Variants in GRM7 observed in about 807,000 individuals in gnomAD.
The protein encoded by GRM7 is metabotropic glutamate receptor 7.
GRM7 carries 35 observed loss-of-function variants against 84.5 expected under a neutral mutation model. The observed-to-expected ratio is 0.41, with a 90% CI of 0.32 to 0.55. GRM7 has a LOEUF of 0.55. GRM7 is among the 20% of genes least tolerant of loss of function. The pLI is 0.19. For synonymous variants in GRM7, 487 were observed against 455.1 expected (o/e 1.07, Z -0.89); for missense variants, 1,003 against 1,194.6 (o/e 0.84, Z 2.36).
At chr3:6,900,940 A>C (rs144468882) in intron 1 of GRM7, among the ~76,000 whole-genome samples, 257 of 152,322 alleles carry the variant, frequency 1.7e-3, no homozygotes, top group African/African-American at 6.1e-3. Context: ...CCTGGCACAG[A>C]TCATTTTGTT....
At chr3:7,298,904 AG>A in intron 3 of GRM7, 79 bp downstream of exon 3, 3 of 1,250,028 alleles carry the variant, frequency 2.4e-6, no homozygotes, top group East Asian at 4.7e-5. Flanking sequence ...TGGCTGAGAC[AG>A]GAAAAGATAG....
chr3:6,908,840 G>T (rs1203583196), intron 1 of GRM7, among the ~76,000 whole-genome samples: 1 of 152,130 alleles, frequency 6.6e-6, no homozygotes, highest in African/African-American at 2.4e-5. Context: ...AGAGATTAAA[G>T]ATATGTCTTG....
chr3:7,230,839 T>G (rs1177230752), intron 2 of GRM7, among the ~76,000 whole-genome samples: 1 of 152,168 alleles, frequency 6.6e-6, no homozygotes, highest in African/African-American at 2.4e-5. Context: ...TACGAGTAAT[T>G]CTGGGAAGCA....
intron 1 of GRM7, among the ~76,000 whole-genome samples, chr3:6,899,955 C>A (rs767400215): frequency 6.6e-6 from 1 of 152,048 alleles, no homozygotes; most frequent in Non-Finnish European, 1.5e-5. Flanking sequence ...AAGTCAAATA[C>A]GTCTTTGTCA....
intron 2 of GRM7, among the ~76,000 whole-genome samples, chr3:7,247,275 A>G (rs1046678082): frequency 6.6e-6 from 1 of 152,106 alleles, no homozygotes; most frequent in African/African-American, 2.4e-5. Context: ...CACAGTACAA[A>G]ACAAAAAATT....
chr3:7,278,193 T>C (rs1699138961), intron 2 of GRM7, among the ~76,000 whole-genome samples: 1 of 152,118 alleles, frequency 6.6e-6, no homozygotes, highest in Non-Finnish European at 1.5e-5. Flanking sequence ...ACATGTTTAA[T>C]AGAAGATGCC....
At chr3:7,519,323 C>G (rs1468764686) in intron 7 of GRM7, among the ~76,000 whole-genome samples, 1 of 151,414 alleles carries the variant, frequency 6.6e-6, no homozygotes, top group Non-Finnish European at 1.5e-5. Context: ...GATAGCACCA[C>G]TGCACTCCAG....
intron 7 of GRM7, among the ~76,000 whole-genome samples, chr3:7,499,965 G>A (rs1254502810): frequency 1.3e-5 from 2 of 151,970 alleles, no homozygotes; most frequent in Admixed American, 1.3e-4. Flanking sequence ...TAGTGGAGAC[G>A]GGGTTTCACC....
At chr3:7,281,943 C>G (rs1356847263) in intron 2 of GRM7, among the ~76,000 whole-genome samples, 2 of 152,062 alleles carry the variant, frequency 1.3e-5, no homozygotes, top group East Asian at 1.9e-4. Context: ...ATTAGCCGGG[C>G]GTGGCAGCGT....
intron 2 of GRM7, among the ~76,000 whole-genome samples, chr3:7,245,661 A>G (rs1697730235): frequency 6.6e-6 from 1 of 152,116 alleles, no homozygotes; most frequent in African/African-American, 2.4e-5. Flanking sequence ...ACAAGCCTAC[A>G]CTAAAAAATG....
intron 2 of GRM7, among the ~76,000 whole-genome samples, chr3:7,260,076 G>A (rs1698362710): frequency 6.7e-6 from 1 of 148,406 alleles, no homozygotes; most frequent in Admixed American, 6.9e-5. Context: ...TGTGCTTTTT[G>A]GCCACATGTA....
At chr3:7,452,943 T>C in intron 6 of GRM7, 136 bp downstream of exon 6, 1 of 620,100 alleles carries the variant, frequency 1.6e-6, no homozygotes, top group Non-Finnish European at 2.9e-6. Flanking sequence ...AATGATTGAA[T>C]CAATGCATGA....
chr3:7,711,716 A>G (rs1306947287), intron 9 of GRM7, among the ~76,000 whole-genome samples: 1 of 152,108 alleles, frequency 6.6e-6, no homozygotes, highest in Non-Finnish European at 1.5e-5. Flanking sequence ...AGTTCTCTCG[A>G]TGCCTCGCCT....
chr3:7,649,962 C>G (rs1331427760), intron 8 of GRM7, among the ~76,000 whole-genome samples: 1 of 151,984 alleles, frequency 6.6e-6, no homozygotes, highest in African/African-American at 2.4e-5. Flanking sequence ...AATTACAGTA[C>G]ATCATTATCT....
At chr3:6,913,928 C>A (rs1317976202) in intron 1 of GRM7, among the ~76,000 whole-genome samples, 1 of 152,122 alleles carries the variant, frequency 6.6e-6, no homozygotes, top group African/African-American at 2.4e-5. Flanking sequence ...ATCATTTTTT[C>A]TCTTGGTATT....
chr3:7,141,580 A>T (rs1181968356), intron 1 of GRM7, among the ~76,000 whole-genome samples: 1 of 152,110 alleles, frequency 6.6e-6, no homozygotes, highest in African/African-American at 2.4e-5. Flanking sequence ...AAAAATAATT[A>T]TCCTAAGGCT....
intron 2 of GRM7, among the ~76,000 whole-genome samples, chr3:7,192,544 C>T (rs1245749490): frequency 6.6e-6 from 1 of 151,908 alleles, no homozygotes; most frequent in Non-Finnish European, 1.5e-5. Flanking sequence ...TATGGCATTG[C>T]CTTGAGTTTT....
At chr3:7,304,207 A>G (rs1031079004) in intron 3 of GRM7, among the ~76,000 whole-genome samples, 98 of 151,990 alleles carry the variant, frequency 6.4e-4, no homozygotes, top group African/African-American at 2.3e-3. Context: ...ACAAATATGC[A>G]AGTTCTATTT....
At chr3:6,874,327 A>G (rs1046762933) in intron 1 of GRM7, among the ~76,000 whole-genome samples, 3 of 152,138 alleles carry the variant, frequency 2.0e-5, no homozygotes, top group Non-Finnish European at 2.9e-5. Context: ...ACCAGTTTAC[A>G]TTTATCAAGT....
Sources: gnomAD v4.1 joint callset for allele counts (sites outside exome capture counted in the v4.1 genomes callset) on GRCh38, gnomAD v4.1.1 for gene constraint, MANE v1.5 for transcripts, NCBI Gene and HGNC (gene_info 2026-07-23, HGNC 2026-07-21) for gene names.